Variants in SOX5 observed in about 807,000 individuals in gnomAD.
SOX5 encodes SRY-box transcription factor 5.
SOX5 carries 9 observed loss-of-function variants against 92.0 expected under a neutral mutation model. The observed-to-expected ratio is 0.10, with a 90% CI of 0.06 to 0.17. The LOEUF is 0.17. Among genes scored for constraint, SOX5 ranks in the 10% least tolerant of loss-of-function variants. The probability of loss-of-function intolerance (pLI) is 1.00; values close to 1 mark genes in which losing one functional copy is unlikely to be tolerated. For synonymous variants in SOX5, 344 were observed against 336.3 expected, an observed-to-expected ratio of 1.02 and a Z score of -0.25; for missense variants, 642 against 944.5, an observed-to-expected ratio of 0.68 and a Z score of 4.20.
intron 6 of SOX5, among the ~76,000 whole-genome samples, chr12:23,703,175 TG>T (rs2090908706): frequency 6.6e-6 from 1 of 152,078 alleles, no homozygotes; most frequent in Non-Finnish European, 1.5e-5. Flanking sequence ...ACAGGTTTGC[TG>T]GCACAAGCAA....
intron 3 of SOX5, among the ~76,000 whole-genome samples, chr12:23,800,575 G>A (rs546092369): frequency 1.8e-4 from 27 of 151,964 alleles, no homozygotes; most frequent in African/African-American, 6.5e-4. Context: ...AACAACTTTG[G>A]TATAGAAATG....
In SOX5 at chr12:24,127,425, A is replaced by ATAG. The variant is rs1187572414; in HGVS notation, c.-2+85917_-2+85918insCTA. ...AATAATGATAATAATAATAATAATA[A>ATAG]TAATACCAATTGGTTATCTAGTTTA... is the stretch of plus-strand genomic sequence containing the variant. On this transcript the variant is annotated intron_variant, in intron 4 of 4. Coordinates refer to the SOX5 transcript ENST00000446891. Among the ~76,000 whole-genome samples, 334 of 150,576 alleles carry ATAG rather than the reference A, an allele frequency of 2.2e-3. 2 individuals are homozygous for ATAG. Among genetic ancestry groups the ATAG allele is most frequent in the African/African-American group, 7.6e-3 (314 of 41,110 alleles).
At chr12:24,056,974 C>CAAAAAAAAAAAAAAAAAAAAAAAAAA (rs60085412) in intron 4 of SOX5, among the ~76,000 whole-genome samples, 4 of 36,906 alleles carry the variant, frequency 1.1e-4, no homozygotes, top group East Asian at 1.6e-3. Context: ...GACTCCGTCT[C>CAAAAAAAAAAAAAAAAAAAAAAAAAA]AAAAAAAAAA....
intron 2 of SOX5, among the ~76,000 whole-genome samples, chr12:24,321,139 T>C (rs1565900084): frequency 6.6e-6 from 1 of 152,180 alleles, no homozygotes; most frequent in Non-Finnish European, 1.5e-5. Flanking sequence ...GTCTGGATTA[T>C]CAGACAGGTT....
At chr12:23,540,547 T>G (rs1941790927) in intron 13 of SOX5, among the ~76,000 whole-genome samples, 1 of 152,078 alleles carries the variant, frequency 6.6e-6, no homozygotes, top group African/African-American at 2.4e-5. Context: ...ACACTGAAAG[T>G]GAAGAGTTTG....
At chr12:23,766,707 T>A (rs2094739151) in intron 3 of SOX5, among the ~76,000 whole-genome samples, 1 of 152,088 alleles carries the variant, frequency 6.6e-6, no homozygotes, top group Non-Finnish European at 1.5e-5. Context: ...TTAAATATTA[T>A]CAACAAAAAA....
chr12:23,615,890 G>C (rs542677776), intron 8 of SOX5, among the ~76,000 whole-genome samples: 2 of 152,138 alleles, frequency 1.3e-5, no homozygotes, highest in Non-Finnish European at 2.9e-5. Context: ...GAGAGACTGT[G>C]CAAGAGTCCA....
At chr12:24,452,511 C>T (rs1472549161) in intron 1 of SOX5, among the ~76,000 whole-genome samples, 1 of 152,046 alleles carries the variant, frequency 6.6e-6, no homozygotes, top group Non-Finnish European at 1.5e-5. Context: ...CTTGAGAGGA[C>T]CATTTCACCC....
At chr12:23,706,717 CT>C (rs1255543015) in intron 6 of SOX5, among the ~76,000 whole-genome samples, 1 of 151,858 alleles carries the variant, frequency 6.6e-6, no homozygotes, top group Admixed American at 6.6e-5. Context: ...ATGTATCCTG[CT>C]TGTTAAAAAT....
intron 2 of SOX5, among the ~76,000 whole-genome samples, chr12:24,361,030 C>T (rs966274338): frequency 6.6e-6 from 1 of 152,126 alleles, no homozygotes; most frequent in Non-Finnish European, 1.5e-5. Flanking sequence ...TTCATTAACT[C>T]GCTTGTTTAC....
intron 9 of SOX5, chr12:23,582,155 G>A (rs144461166): frequency 1.1e-5 from 11 of 985,140 alleles, no homozygotes; most frequent in Non-Finnish European, 1.3e-5. Context: ...CACTGTTGCC[G>A]CACCTCTTCC....
At chr12:23,609,738 C>T (rs2075731628) in intron 8 of SOX5, among the ~76,000 whole-genome samples, 1 of 152,102 alleles carries the variant, frequency 6.6e-6, no homozygotes, top group African/African-American at 2.4e-5. Context: ...GAGGATTTCC[C>T]TGAATGACTA....
At chr12:24,395,060 C>T (rs1416964935) in intron 1 of SOX5, among the ~76,000 whole-genome samples, 1 of 152,124 alleles carries the variant, frequency 6.6e-6, no homozygotes. Flanking sequence ...ATTAATGATT[C>T]TCCCATTTCC....
chr12:24,165,438 T>C (rs1273453674), intron 4 of SOX5, among the ~76,000 whole-genome samples: 3 of 152,194 alleles, frequency 2.0e-5, no homozygotes, highest in Admixed American at 6.6e-5. Context: ...CAGACTATTC[T>C]AGATTATTTA....
At chr12:23,735,781 C>T (rs186347994) in intron 5 of SOX5, among the ~76,000 whole-genome samples, 1 of 152,336 alleles carries the variant, frequency 6.6e-6, no homozygotes, top group East Asian at 1.9e-4. Flanking sequence ...TCACTTACCA[C>T]TCTCACTGTT....
intron 2 of SOX5, among the ~76,000 whole-genome samples, chr12:24,345,921 C>T (rs1303230408): frequency 6.6e-6 from 1 of 152,170 alleles, no homozygotes; most frequent in Non-Finnish European, 1.5e-5. Context: ...TCTCTAGGTA[C>T]ACCTTTCCTT....
intron 1 of SOX5, among the ~76,000 whole-genome samples, chr12:24,420,996 T>A (rs1342414244): frequency 7.0e-6 from 1 of 143,884 alleles, no homozygotes; most frequent in Admixed American, 7.0e-5. Flanking sequence ...AGATAAGTTG[T>A]AAGGAAAAGA....
At chr12:23,849,113 A>T (rs1278198185) in intron 2 of SOX5, among the ~76,000 whole-genome samples, 1 of 152,214 alleles carries the variant, frequency 6.6e-6, no homozygotes, top group Non-Finnish European at 1.5e-5. Flanking sequence ...TGTGCTAATT[A>T]AGAAGAATTA....
At chr12:23,784,620 C>G (rs2095346035) in intron 3 of SOX5, among the ~76,000 whole-genome samples, 1 of 152,180 alleles carries the variant, frequency 6.6e-6, no homozygotes, top group Non-Finnish European at 1.5e-5. Context: ...GCCAACATGC[C>G]TGGCCGATAT....
Sources: allele counts gnomAD v4.1 joint callset (sites outside exome capture counted in the v4.1 genomes callset), GRCh38; gene constraint gnomAD v4.1.1; transcripts MANE v1.5; gene names NCBI Gene and HGNC (gene_info 2026-07-23, HGNC 2026-07-21).